Variants in ARID5B observed in about 807,000 individuals in gnomAD.
ARID5B encodes the protein AT-rich interactive domain-containing protein 5B.
Under a neutral mutation model 97.2 loss-of-function variants are expected in ARID5B, and 13 were observed. That is an observed-to-expected ratio of 0.13 (90% CI 0.09 to 0.21). The LOEUF (loss-of-function observed/expected upper bound fraction) is 0.21, where lower values mean the gene tolerates loss of function less well. ARID5B is among the 10% of genes least tolerant of loss of function. ARID5B has a pLI of 1.00. For missense variants in ARID5B, 1,210 were observed against 1,465.3 expected (o/e 0.83, Z 2.84); for synonymous variants, 556 against 570.3 (o/e 0.97, Z 0.36).
chr10:61,918,285 T>C (rs753929261), intron 2 of ARID5B, among the ~76,000 whole-genome samples: 1 of 152,248 alleles, frequency 6.6e-6, no homozygotes, highest in Non-Finnish European at 1.5e-5. Context: ...AGTAGCTGTG[T>C]GTCATCTTGA....
chr10:61,942,760 A>T (rs1049095292), intron 3 of ARID5B, among the ~76,000 whole-genome samples: 1 of 152,056 alleles, frequency 6.6e-6, no homozygotes, highest in Non-Finnish European at 1.5e-5. Flanking sequence ...ACACCTTTGC[A>T]CTCCAGCCTG....
intron 3 of ARID5B, among the ~76,000 whole-genome samples, chr10:61,983,139 G>T (rs946938208): frequency 6.6e-6 from 1 of 152,180 alleles, no homozygotes; most frequent in Non-Finnish European, 1.5e-5. Context: ...TGTTACTGGA[G>T]CAAGGAAAGG....
intron 2 of ARID5B, among the ~76,000 whole-genome samples, chr10:61,919,181 C>T (rs1426169077): frequency 2.0e-5 from 3 of 152,154 alleles, no homozygotes; most frequent in African/African-American, 7.2e-5. Flanking sequence ...CCCCACCCTC[C>T]ACCCTGCCCT....
chr10:61,990,366 C>T (rs1407273541), intron 3 of ARID5B, among the ~76,000 whole-genome samples: 1 of 152,224 alleles, frequency 6.6e-6, no homozygotes, highest in Non-Finnish European at 1.5e-5. Flanking sequence ...TGCCTAACCA[C>T]ATGACCCTTT....
chr10:61,917,966 A>G (rs1437359364), intron 2 of ARID5B, among the ~76,000 whole-genome samples: 1 of 152,186 alleles, frequency 6.6e-6, no homozygotes, highest in Non-Finnish European at 1.5e-5. Context: ...GGGGCCCTTG[A>G]AAACACCTAG....
At chr10:61,924,423 G>C (rs1844067890) in intron 2 of ARID5B, among the ~76,000 whole-genome samples, 1 of 152,198 alleles carries the variant, frequency 6.6e-6, no homozygotes, top group South Asian at 2.1e-4. Flanking sequence ...TACTGCAGCA[G>C]AGCATATCAC....
At chr10:62,022,996 A>G (rs985000173) in intron 4 of ARID5B, among the ~76,000 whole-genome samples, 3 of 152,180 alleles carry the variant, frequency 2.0e-5, no homozygotes, top group African/African-American at 7.2e-5. Flanking sequence ...TGCTGGAAAC[A>G]AGTCAAAGAA....
intron 2 of ARID5B, among the ~76,000 whole-genome samples, chr10:61,906,153 TTAAA>T (rs1843704076): frequency 6.6e-6 from 1 of 152,210 alleles, no homozygotes; most frequent in Non-Finnish European, 1.5e-5. Context: ...TATAAAGTAC[TTAAA>T]TAAATAGAAA....
intron 6 of ARID5B, 78 bp downstream of exon 6, chr10:62,057,396 G>A: frequency 7.1e-7 from 1 of 1,399,552 alleles, no homozygotes; most frequent in Non-Finnish European, 9.9e-7. Context: ...TTTTGACTCA[G>A]GATTATGTTG....
intron 9 of ARID5B, among the ~76,000 whole-genome samples, chr10:62,087,082 G>A (rs889069286): frequency 5.9e-5 from 9 of 151,874 alleles, no homozygotes; most frequent in Non-Finnish European, 1.2e-4. Context: ...GGTGGATCAC[G>A]AGGTCAGGAG....
chr10:61,909,379 G>T (rs1843763784), intron 2 of ARID5B, among the ~76,000 whole-genome samples: 1 of 138,668 alleles, frequency 7.2e-6, no homozygotes, highest in Non-Finnish European at 1.5e-5. Context: ...AGGCTGGAGT[G>T]CAGTGGCGCG....
chr10:61,922,657 C>A (rs1844038552), intron 2 of ARID5B, among the ~76,000 whole-genome samples: 1 of 152,160 alleles, frequency 6.6e-6, no homozygotes, highest in African/African-American at 2.4e-5. Context: ...GGCTTTAAAT[C>A]ATGTTGGCAT....
chr10:61,964,022 T>G (rs1838510451), intron 3 of ARID5B, among the ~76,000 whole-genome samples: 1 of 152,158 alleles, frequency 6.6e-6, no homozygotes, highest in Non-Finnish European at 1.5e-5. Context: ...ATTTGCACCT[T>G]TCTTGATTTT....
At chr10:61,999,619 C>T (rs1272680793) in intron 3 of ARID5B, among the ~76,000 whole-genome samples, 2 of 152,176 alleles carry the variant, frequency 1.3e-5, no homozygotes, top group East Asian at 1.9e-4. Context: ...ATGCTTTCTA[C>T]TGAATGCATG....
At chr10:62,011,187 G>A (rs779358901) in intron 4 of ARID5B, among the ~76,000 whole-genome samples, 9 of 152,122 alleles carry the variant, frequency 5.9e-5, no homozygotes, top group East Asian at 1.9e-4. Flanking sequence ...CACTTTCCTC[G>A]TCCGGTCCCA....
chr10:62,021,067 T>TATA (rs1380599964), intron 4 of ARID5B, among the ~76,000 whole-genome samples: 1 of 134,874 alleles, frequency 7.4e-6, no homozygotes, highest in African/African-American at 2.8e-5. Flanking sequence ...TATATATATA[T>TATA]ATCTCAGAAG....
chr10:62,024,299 A>G (rs1349466957), intron 4 of ARID5B, among the ~76,000 whole-genome samples: 1 of 152,126 alleles, frequency 6.6e-6, no homozygotes, highest in Non-Finnish European at 1.5e-5. Context: ...ACAAAGAGAA[A>G]TATAGAACTT....
intron 7 of ARID5B, among the ~76,000 whole-genome samples, chr10:62,066,224 G>C (rs2132949614): frequency 6.6e-6 from 1 of 152,238 alleles, no homozygotes. Context: ...TCTCCTTATT[G>C]GGCTCTGAGA....
Position 62,095,563 on chromosome 10 carries a change from TTCTG to T in ARID5B, c.*2538_*2541del, listed in dbSNP as rs1364865632. On this transcript the variant is annotated 3_prime_UTR_variant, in exon 10 of 10. Transcript: ENST00000279873. ...TCTCTTCTGAGAGGAGACTCACTGTTTCTGTCTGAGGAAGCTCATACCCTCGGCA... is the reference window on the plus strand; with the variant it reads ...TCTCTTCTGAGAGGAGACTCACTGTTTCTGAGGAAGCTCATACCCTCGGCA... The T allele has an allele frequency of 4.3e-6, 1 of 233,500 alleles. No individual in the cohort carries two copies. The highest frequency in any genetic ancestry group is 8.5e-6 in the Non-Finnish European group (1 of 117,994). 14.5% of individuals were successfully genotyped at this position (233,500 alleles called of 1,614,324 possible). A position where few individuals can be genotyped will look rare whatever the true frequency, so the allele number is the denominator to read the frequency against.
Sources: gnomAD v4.1 joint callset for allele counts (sites outside exome capture counted in the v4.1 genomes callset) on GRCh38, gnomAD v4.1.1 for gene constraint, MANE v1.5 for transcripts, NCBI Gene and HGNC (gene_info 2026-07-23, HGNC 2026-07-21) for gene names.